SYNPO2: variants seen among roughly 807,000 people sequenced by gnomAD.
The protein encoded by SYNPO2 is synaptopodin 2.
SYNPO2 carries 56 observed loss-of-function variants against 85.0 expected under a neutral mutation model. That is an observed-to-expected ratio of 0.66 (90% CI 0.53 to 0.82). The LOEUF is 0.82. SYNPO2 is among the 40% of genes least tolerant of loss of function. SYNPO2 has a pLI of 0.00. For synonymous variants in SYNPO2, 602 were observed against 591.1 expected (o/e 1.02, Z -0.27); for missense variants, 1,575 against 1,534.2 (o/e 1.03, Z -0.44).
chr4:119,010,760 A>C (rs1474394533), intron 1 of SYNPO2, among the ~76,000 whole-genome samples: 1 of 152,250 alleles, frequency 6.6e-6, no homozygotes, highest in Non-Finnish European at 1.5e-5. Flanking sequence ...ATTTCAATTC[A>C]GAGCCCATAA....
chr4:119,018,937 CATA>C (rs1474311228), intron 1 of SYNPO2, among the ~76,000 whole-genome samples: 1 of 151,926 alleles, frequency 6.6e-6, no homozygotes, highest in Non-Finnish European at 1.5e-5. Flanking sequence ...ATTATGTATC[CATA>C]ATAATTTTAA....
At chr4:118,951,054 A>G (rs1734677931) in intron 1 of SYNPO2, among the ~76,000 whole-genome samples, 1 of 152,176 alleles carries the variant, frequency 6.6e-6, no homozygotes, top group African/African-American at 2.4e-5. Context: ...GCAGGATTTT[A>G]TTGACATTGT....
intron 1 of SYNPO2, among the ~76,000 whole-genome samples, chr4:118,976,038 T>C (rs1485421306): frequency 6.6e-6 from 1 of 152,246 alleles, no homozygotes; most frequent in Non-Finnish European, 1.5e-5. Context: ...TTTTGAAATC[T>C]TTCTTGCCCA....
chr4:118,984,918 A>G (rs776149201), intron 1 of SYNPO2, among the ~76,000 whole-genome samples: 3 of 152,214 alleles, frequency 2.0e-5, no homozygotes, highest in African/African-American at 4.8e-5. Flanking sequence ...CTGTTTGGAT[A>G]TGAGACCCAC....
chr4:118,957,950 C>T (rs1008332847), intron 1 of SYNPO2, among the ~76,000 whole-genome samples: 1 of 152,158 alleles, frequency 6.6e-6, no homozygotes, highest in Non-Finnish European at 1.5e-5. Context: ...AATATGCAGC[C>T]ACTTTTCTTG....
intron 1 of SYNPO2, among the ~76,000 whole-genome samples, chr4:118,969,149 T>C (rs1286072145): frequency 1.3e-5 from 2 of 152,172 alleles, no homozygotes; most frequent in East Asian, 3.9e-4. Context: ...CACAACACTC[T>C]GTCTCTGGTG....
intron 4 of SYNPO2, chr4:119,042,473 T>C (rs983309897): frequency 2.6e-5 from 4 of 152,236 alleles, no homozygotes; most frequent in African/African-American, 9.6e-5. Flanking sequence ...AAAATATTCT[T>C]ACTAATAACT....
intron 4 of SYNPO2, among the ~76,000 whole-genome samples, chr4:119,051,945 G>C (rs866777346): frequency 6.6e-6 from 1 of 152,208 alleles, no homozygotes; most frequent in Non-Finnish European, 1.5e-5. Flanking sequence ...TCTGTGAGAA[G>C]GAATTCCAGA....
chr4:118,946,966 T>A (rs777045770), intron 1 of SYNPO2, among the ~76,000 whole-genome samples: 6 of 152,248 alleles, frequency 3.9e-5, no homozygotes, highest in Non-Finnish European at 7.3e-5. Context: ...ACTTATTAGT[T>A]GTGTTGCTTT....
At chr4:119,049,612 T>C (rs1444397024) in intron 4 of SYNPO2, among the ~76,000 whole-genome samples, 4 of 152,254 alleles carry the variant, frequency 2.6e-5, no homozygotes, top group African/African-American at 9.6e-5. Flanking sequence ...TTGTGCTAAG[T>C]AAACCTCAGA....
chr4:119,000,952 C>T (rs537356220), intron 1 of SYNPO2, among the ~76,000 whole-genome samples: 5 of 152,114 alleles, frequency 3.3e-5, no homozygotes, highest in Non-Finnish European at 5.9e-5. Flanking sequence ...TCTATTAGGC[C>T]TAGAGTTTCA....
intron 1 of SYNPO2, among the ~76,000 whole-genome samples, chr4:118,880,744 C>CT (rs1229521052): frequency 1.7e-4 from 10 of 59,178 alleles, no homozygotes; most frequent in Admixed American, 2.0e-4. Context: ...GAGACTCTGT[C>CT]CCAAAAAAAA....
At chr4:119,012,375 C>CTTTTTTTTTTTTT (rs10651853) in intron 1 of SYNPO2, among the ~76,000 whole-genome samples, 58 of 109,744 alleles carry the variant, frequency 5.3e-4, no homozygotes, top group African/African-American at 1.1e-3. Context: ...TCCCCCTTTT[C>CTTTTTTTTTTTTT]TTTTTTTTTT....
intron 1 of SYNPO2, among the ~76,000 whole-genome samples, chr4:118,902,029 T>G (rs1453735243): frequency 1.8e-5 from 1 of 54,426 alleles, no homozygotes; most frequent in Non-Finnish European, 3.7e-5. Flanking sequence ...CTTGGTATGG[T>G]CAACAAAAGT....
chr4:119,048,591 G>T (rs1439202851), intron 4 of SYNPO2, among the ~76,000 whole-genome samples: 2 of 152,176 alleles, frequency 1.3e-5, no homozygotes. Context: ...GGAGGGAATT[G>T]CCAAGCTGAG....
At chr4:118,871,571 A>AT (rs67838256) in intron 1 of SYNPO2, among the ~76,000 whole-genome samples, 1,967 of 142,340 alleles carry the variant, frequency 0.014, 35 homozygotes, top group African/African-American at 0.038. Context: ...ATAAATAACA[A>AT]TTTTTTTTTT....
At position 118,921,606 on chromosome 4, in the gene SYNPO2, A is replaced by G. The variant is rs140523249; in HGVS notation, c.105+32465A>G. Among the ~76,000 whole-genome samples, 19 of 152,250 alleles carry G rather than the reference A, an allele frequency of 1.2e-4. No homozygotes were observed. The East Asian group carries it at 3.7e-3, about 29-fold the overall frequency. ...CTAAAATAAAATAATGATAATAATT[A>G]AAAAACCCTTCGATGCTTCCCCACT... is the stretch of plus-strand genomic sequence containing the variant. On this transcript the variant is annotated intron_variant, in intron 1 of 4. Coordinates refer to ENST00000307142, the MANE Select transcript of SYNPO2 (RefSeq NM_133477.3).
At chr4:118,996,079 A>G (rs367616089) in intron 1 of SYNPO2, among the ~76,000 whole-genome samples, 1 of 152,170 alleles carries the variant, frequency 6.6e-6, no homozygotes, top group African/African-American at 2.4e-5. Context: ...CGGCATACAC[A>G]AACTTTTCAT....
chr4:118,863,037 CTGACCTCG>C (rs1400726908), intron 1 of SYNPO2, among the ~76,000 whole-genome samples: 1 of 152,172 alleles, frequency 6.6e-6, no homozygotes, highest in Non-Finnish European at 1.5e-5. Flanking sequence ...TCTGGAACTC[CTGACCTCG>C]TGACCCACCT....
Sources: allele counts gnomAD v4.1 joint callset (sites outside exome capture counted in the v4.1 genomes callset), GRCh38; gene constraint gnomAD v4.1.1; transcripts MANE v1.5; gene names NCBI Gene and HGNC (gene_info 2026-07-23, HGNC 2026-07-21).